Variants in TACR3 observed in about 807,000 individuals in gnomAD.
TACR3 encodes the protein tachykinin receptor 3.
A neutral mutation model predicts 35.0 loss-of-function variants in TACR3; 34 were observed. The observed-to-expected ratio is 0.97, with a 90% CI of 0.74 to 1.30. The LOEUF is 1.30. TACR3 is among the 50% of genes most tolerant of loss of function. TACR3 has a pLI of 0.00. For synonymous variants in TACR3, 233 were observed against 221.1 expected (o/e 1.05, Z -0.48); for missense variants, 558 against 591.7 (o/e 0.94, Z 0.59).
intron 3 of TACR3, among the ~76,000 whole-genome samples, chr4:103,600,132 A>T (rs1388901760): frequency 2.0e-5 from 3 of 152,054 alleles, no homozygotes; most frequent in Non-Finnish European, 4.4e-5. Flanking sequence ...TCAATTTCAC[A>T]GCCTGTTATT....
chr4:103,615,123 C>G (rs943055976), intron 3 of TACR3, among the ~76,000 whole-genome samples: 12 of 151,858 alleles, frequency 7.9e-5, no homozygotes, highest in Non-Finnish European at 1.8e-4. Context: ...GTCTCGATCT[C>G]CTGACCTCGT....
chr4:103,695,087 TTAA>T (rs1722492528), intron 1 of TACR3, among the ~76,000 whole-genome samples: 1 of 152,172 alleles, frequency 6.6e-6, no homozygotes. Flanking sequence ...TTTTAGACAA[TTAA>T]TAATTTAAGT....
At position 103,707,282 on chromosome 4, in the gene TACR3, A is replaced by T. The variant is rs190828346; in HGVS notation, c.548+11846T>A. ...ACTAATTTTACATACTTTTTTGTATAATTATCAAGAGACTCAGAGACATAT... is the reference window on the plus strand; with the variant it reads ...ACTAATTTTACATACTTTTTTGTATTATTATCAAGAGACTCAGAGACATAT... On this transcript the variant is annotated intron_variant, in intron 1 of 4. Transcript: ENST00000304883. Among the ~76,000 whole-genome samples, 3 of 150,878 alleles carry T rather than the reference A, an allele frequency of 2.0e-5. No individual in the cohort carries two copies. In the East Asian group the frequency reaches 5.9e-4, roughly 30 times the overall value.
intron 1 of TACR3, among the ~76,000 whole-genome samples, chr4:103,694,917 ACAAT>A (rs372480336): frequency 3.3e-5 from 5 of 152,264 alleles, no homozygotes; most frequent in Admixed American, 6.5e-5. Context: ...ATTGATATCA[ACAAT>A]CAATTTGACT....
chr4:103,708,834 A>C (rs189425836), intron 1 of TACR3, among the ~76,000 whole-genome samples: 21 of 152,380 alleles, frequency 1.4e-4, no homozygotes, highest in Admixed American at 7.2e-4. Flanking sequence ...GGTGAAAGCC[A>C]TGGCACGAGA....
chr4:103,652,517 A>G (rs1234301723), intron 3 of TACR3, among the ~76,000 whole-genome samples: 2 of 152,096 alleles, frequency 1.3e-5, no homozygotes, highest in Non-Finnish European at 2.9e-5. Context: ...TTTCAGCTAT[A>G]TGAAGTTAAA....
At chr4:103,645,272 G>C (rs990472733) in intron 3 of TACR3, among the ~76,000 whole-genome samples, 4 of 151,894 alleles carry the variant, frequency 2.6e-5, no homozygotes, top group Non-Finnish European at 5.9e-5. Context: ...CAGATTAATA[G>C]TATAAAATAT....
chr4:103,651,741 T>G (rs548386329), intron 3 of TACR3, among the ~76,000 whole-genome samples: 1 of 152,112 alleles, frequency 6.6e-6, no homozygotes, highest in East Asian at 1.9e-4. Context: ...CCAAGGCCCA[T>G]GGTGTACTAC....
intron 1 of TACR3, among the ~76,000 whole-genome samples, chr4:103,709,280 A>G (rs914087488): frequency 3.9e-5 from 6 of 152,202 alleles, no homozygotes; most frequent in Non-Finnish European, 8.8e-5. Flanking sequence ...CCCACAAAGG[A>G]AAGCCCATCA....
In TACR3 at chr4:103,608,996, G is replaced by GAATT. The variant is rs559266490; in HGVS notation, c.889-17317_889-17314dup. ...CAATGTCATTAGCTAAATAGATGAG[G>GAATT]AATTAATTTGATTAGAAAACAGTGT... On this transcript the variant is annotated intron_variant, in intron 3 of 4. Coordinates refer to ENST00000304883, the MANE Select transcript of TACR3 (RefSeq NM_001059.3). 1.6e-4 allele frequency among the ~76,000 whole-genome samples: 25 copies of GAATT among 152,122 alleles called. No individual in the cohort carries two copies. In the East Asian group the frequency reaches 4.8e-3, roughly 29 times the overall value.
At chr4:103,603,625 A>G (rs972571341) in intron 3 of TACR3, among the ~76,000 whole-genome samples, 4 of 152,220 alleles carry the variant, frequency 2.6e-5, no homozygotes, top group South Asian at 2.1e-4. Context: ...CAGTGCTGCA[A>G]TAAACATACG....
chr4:103,665,567 G>A (rs1209575275), intron 1 of TACR3, among the ~76,000 whole-genome samples: 1 of 151,890 alleles, frequency 6.6e-6, no homozygotes, highest in Admixed American at 6.6e-5. Context: ...TATCTTTTTT[G>A]GCAATATTGA....
intron 1 of TACR3, among the ~76,000 whole-genome samples, chr4:103,702,362 C>T (rs1160377399): frequency 3.3e-5 from 5 of 152,174 alleles, no homozygotes; most frequent in Non-Finnish European, 5.9e-5. Context: ...TACCATCTCA[C>T]ACCAGTTAGA....
At chr4:103,686,828 C>G (rs1414000023) in intron 1 of TACR3, among the ~76,000 whole-genome samples, 3 of 152,116 alleles carry the variant, frequency 2.0e-5, no homozygotes, top group African/African-American at 4.8e-5. Context: ...CAAGGAGGAA[C>G]TGGTACCATT....
intron 1 of TACR3, among the ~76,000 whole-genome samples, chr4:103,717,742 A>G (rs964115992): frequency 2.0e-5 from 3 of 152,224 alleles, no homozygotes; most frequent in African/African-American, 7.2e-5. Context: ...CTGCTCAAAC[A>G]AAAGGAACAC....
intron 1 of TACR3, among the ~76,000 whole-genome samples, chr4:103,689,307 G>T (rs962652764): frequency 6.6e-6 from 1 of 151,094 alleles, no homozygotes; most frequent in African/African-American, 2.4e-5. Flanking sequence ...GCTAGATGAC[G>T]AGTTAGTGGG....
rs1313505977 is a variant in TACR3 at position 103,628,283 on chromosome 4, A to T, written c.888+27911T>A. ...ATTCAAAAGCTAGCAGAAGGCAAGAAATCACTAAGATCAGAGCAGACCTGA... is the reference window on the plus strand; with the variant it reads ...ATTCAAAAGCTAGCAGAAGGCAAGATATCACTAAGATCAGAGCAGACCTGA... On this transcript the variant is annotated intron_variant, in intron 3 of 4. Coordinates refer to ENST00000304883, the MANE Select transcript of TACR3 (RefSeq NM_001059.3). Among the ~76,000 whole-genome samples the T allele has an allele frequency of 2.6e-5, 4 of 152,186 alleles. No individual in the cohort carries two copies. In the South Asian group the frequency reaches 8.3e-4, roughly 32 times the overall value.
rs1303421981 is a variant in TACR3, at chr4:103,586,230, T to C, written c.*3452A>G. On this transcript the variant is annotated 3_prime_UTR_variant, in exon 5 of 5. Transcript: ENST00000304883. ...GATTTTTCATATATATATATATATG[T>C]ATGAAAACACAAAACTAATGACCTT... The C allele has an allele frequency of 6.6e-6, 1 of 151,888 alleles. No individual in the cohort carries two copies. The highest frequency in any genetic ancestry group is 2.4e-5 in the African/African-American group (1 of 41,376). 9.4% of individuals were successfully genotyped at this position (151,888 alleles called of 1,614,324 possible). A position where few individuals can be genotyped will look rare whatever the true frequency, so the allele number is the denominator to read the frequency against.
intron 1 of TACR3, among the ~76,000 whole-genome samples, chr4:103,709,540 C>T (rs1254766859): frequency 6.6e-6 from 1 of 152,146 alleles, no homozygotes; most frequent in African/African-American, 2.4e-5. Context: ...TGGTAGCAGC[C>T]ATTGCAAAAA....
Sources: allele counts gnomAD v4.1 joint callset (sites outside exome capture counted in the v4.1 genomes callset), GRCh38; gene constraint gnomAD v4.1.1; transcripts MANE v1.5; gene names NCBI Gene and HGNC (gene_info 2026-07-23, HGNC 2026-07-21).